Variants in DLGAP2 observed in about 807,000 individuals in gnomAD.
DLGAP2 encodes the protein DLG associated protein 2, also known as disks large-associated protein 2.
DLGAP2 carries 26 observed loss-of-function variants against 100.3 expected under a neutral mutation model. That is an observed-to-expected ratio of 0.26 (90% confidence interval 0.19 to 0.36). The LOEUF is 0.36. DLGAP2 is among the 10% of genes least tolerant of loss of function. The pLI is 1.00. For synonymous variants in DLGAP2, 886 were observed against 630.1 expected (o/e 1.41, Z -6.08); for missense variants, 1,858 against 1,453.2 (o/e 1.28, Z -4.53).
intron 2 of DLGAP2, among the ~76,000 whole-genome samples, chr8:1,114,002 T>C (rs1309714852): frequency 6.6e-6 from 1 of 152,210 alleles, no homozygotes; most frequent in Admixed American, 6.5e-5. Flanking sequence ...ATCACATTGA[T>C]TGATTTGTGT....
At chr8:1,438,987 T>G (rs539829361) in intron 3 of DLGAP2, among the ~76,000 whole-genome samples, 1 of 152,198 alleles carries the variant, frequency 6.6e-6, no homozygotes, top group African/African-American at 2.4e-5. Flanking sequence ...TTATAATAGC[T>G]TCTTATGAAG....
chr8:913,297 A>C (rs1479661276), intron 2 of DLGAP2, among the ~76,000 whole-genome samples: 1 of 152,194 alleles, frequency 6.6e-6, no homozygotes, highest in Non-Finnish European at 1.5e-5. Context: ...GTTCTGTTTG[A>C]TAATTGTAAA....
rs71528625 is a variant in DLGAP2 at position 960,237 on chromosome 8, C to CTTTTTTTTTTTTTTTTTTTTTTTTT, written c.73+52286_73+52287insTTTTTTTTTTTTTTTTTTTTTTTTT. Among the ~76,000 whole-genome samples the CTTTTTTTTTTTTTTTTTTTTTTTTT allele has an allele frequency of 3.7e-3, 164 of 44,644 alleles. 69 individuals carry two copies. The highest frequency in any genetic ancestry group is 8.2e-3 in the African/African-American group (93 of 11,358). The allele number at this position is 44,644 out of a possible 152,430, so 29.3% of individuals were successfully genotyped here. A position where few individuals can be genotyped will look rare whatever the true frequency, so the allele number is the denominator to read the frequency against. ...TTGGGCAATTATTCCTGAAGTATAT[C>CTTTTTTTTTTTTTTTTTTTTTTTTT]TTTTTTTTTTTTTTTCCCGAGACAC... On this transcript the variant is annotated intron_variant, in intron 2 of 14. Coordinates refer to ENST00000637795, the MANE Select transcript of DLGAP2 (RefSeq NM_001346810.2).
chr8:1,151,144 C>T (rs976441918), intron 2 of DLGAP2, among the ~76,000 whole-genome samples: 2 of 152,256 alleles, frequency 1.3e-5, no homozygotes, highest in African/African-American at 2.4e-5. Flanking sequence ...CTCATGGATG[C>T]GTTTTTATTC....
chr8:848,963 A>G (rs1167607525), intron 1 of DLGAP2, among the ~76,000 whole-genome samples: 4 of 150,306 alleles, frequency 2.7e-5, no homozygotes, highest in African/African-American at 1.0e-4. Context: ...TGCCTGTTCC[A>G]GCATAGGATC....
intron 2 of DLGAP2, among the ~76,000 whole-genome samples, chr8:922,329 C>G (rs1430343704): frequency 6.6e-6 from 1 of 152,070 alleles, no homozygotes; most frequent in Admixed American, 6.6e-5. Context: ...GACAGCGGAC[C>G]CCTCCGGAGG....
chr8:1,209,482 C>T (rs1798061015), intron 2 of DLGAP2, among the ~76,000 whole-genome samples: 2 of 152,170 alleles, frequency 1.3e-5, no homozygotes, highest in Non-Finnish European at 2.9e-5. Flanking sequence ...CCATGGTGGG[C>T]ATCAGCTGTT....
At chr8:1,685,470 C>T (rs989018399) in intron 12 of DLGAP2, among the ~76,000 whole-genome samples, 9 of 152,218 alleles carry the variant, frequency 5.9e-5, no homozygotes, top group African/African-American at 1.2e-4. Context: ...AGATGCAGGT[C>T]ATAGACTGTG....
chr8:1,613,144 A>G (rs1797034252), intron 6 of DLGAP2, among the ~76,000 whole-genome samples: 1 of 145,870 alleles, frequency 6.9e-6, no homozygotes. Flanking sequence ...AACCAAGCCA[A>G]ATGTCCAACA....
intron 2 of DLGAP2, among the ~76,000 whole-genome samples, chr8:1,020,595 T>C (rs988665235): frequency 1.3e-5 from 2 of 152,218 alleles, no homozygotes; most frequent in African/African-American, 2.4e-5. Flanking sequence ...ATTGACAGCA[T>C]TGTCAGGAGA....
chr8:1,067,756 C>A (rs1303494269), intron 2 of DLGAP2, among the ~76,000 whole-genome samples: 3 of 152,042 alleles, frequency 2.0e-5, no homozygotes, highest in African/African-American at 7.2e-5. Context: ...TGACCCAGTC[C>A]CCTCCAGAGC....
chr8:754,739 G>A (rs1291525455), intron 1 of DLGAP2, among the ~76,000 whole-genome samples: 1 of 152,164 alleles, frequency 6.6e-6, no homozygotes. Context: ...TCACTCAGGA[G>A]GCTGAGGTGG....
chr8:1,365,610 C>T (rs1802091174), intron 3 of DLGAP2, among the ~76,000 whole-genome samples: 1 of 152,210 alleles, frequency 6.6e-6, no homozygotes, highest in Non-Finnish European at 1.5e-5. Flanking sequence ...CCTGGATGTC[C>T]TCTAGCTATT....
At chr8:1,005,405 GT>G (rs34780471) in intron 2 of DLGAP2, among the ~76,000 whole-genome samples, 15,151 of 99,072 alleles carry the variant, frequency 0.15, 673 homozygotes, top group Non-Finnish European at 0.22. Flanking sequence ...AACTCCACTT[GT>G]TTTTTTTTTT....
At chr8:1,300,804 G>A (rs1482518168) in intron 3 of DLGAP2, 1 of 152,218 alleles carries the variant, frequency 6.6e-6, no homozygotes, top group Non-Finnish European at 1.5e-5. Flanking sequence ...TAAAACCACG[G>A]TGTGTGTGGC....
chr8:1,669,384 G>T (rs1200333085), intron 9 of DLGAP2, among the ~76,000 whole-genome samples: 1 of 152,260 alleles, frequency 6.6e-6, no homozygotes, highest in Non-Finnish European at 1.5e-5. Context: ...TGTTTTAGGT[G>T]CAGTGTTGTG....
At chr8:1,384,638 G>A (rs868572890) in intron 3 of DLGAP2, among the ~76,000 whole-genome samples, 6 of 111,490 alleles carry the variant, frequency 5.4e-5, no homozygotes, top group Non-Finnish European at 1.0e-4. Context: ...GCCTGTGCCC[G>A]TCCCCTGAGA....
intron 6 of DLGAP2, among the ~76,000 whole-genome samples, chr8:1,573,514 C>A (rs1231656270): frequency 4.6e-5 from 7 of 152,042 alleles, no homozygotes. Flanking sequence ...CCTTTAGACC[C>A]CTGACTGCCA....
chr8:1,406,592 TCA>T (rs1453867608), intron 3 of DLGAP2, among the ~76,000 whole-genome samples: 2 of 32,970 alleles, frequency 6.1e-5, no homozygotes, highest in African/African-American at 4.3e-4. Flanking sequence ...CGCCACCTCC[TCA>T]TCCTCCAGAG....
Sources: gnomAD v4.1 joint callset for allele counts (sites outside exome capture counted in the v4.1 genomes callset) on GRCh38, gnomAD v4.1.1 for gene constraint, MANE v1.5 for transcripts, NCBI Gene and HGNC (gene_info 2026-07-23, HGNC 2026-07-21) for gene names.